The following FAM240C variants were observed in gnomAD, a reference collection of about 807,000 sequenced individuals.
The protein encoded by FAM240C is protein FAM240C.
Under a neutral mutation model 10.0 loss-of-function variants are expected in FAM240C, and 14 were observed. That is an observed-to-expected ratio of 1.40 (90% confidence interval 0.92 to 2.19). The LOEUF is 2.19. FAM240C is among the 30% of genes most tolerant of loss of function. FAM240C has a pLI of 0.00. For missense variants in FAM240C, 154 were observed against 122.3 expected (o/e 1.26, Z -1.22); for synonymous variants, 49 against 44.3 (o/e 1.11, Z -0.42).
At chr2:241,902,243 C>A (rs546006772), upstream of FAM240C, among the ~76,000 whole-genome samples, 263 of 151,792 alleles carry the variant, frequency 1.7e-3, no homozygotes, top group Non-Finnish European at 2.7e-3. This position sits in a 1 kb window ranked among gnomAD's most constrained non-coding sequence, Gnocchi z 7.1. Context: ...ACCCCCACCC[C>A]ATCAGAGGCG....
chr2:241,894,255 C>T lies in FAM240C; in HGVS notation c.246G>A (p.Glu82=). 1 of 1,550,068 alleles carries T rather than the reference C, an allele frequency of 6.5e-7. No homozygotes were observed. Among genetic ancestry groups the T allele is most frequent in the Admixed American group, 2.0e-5 (1 of 51,012 alleles). The change falls in exon 3 of 3, where the codon GAG becomes GAA. Residue 82 remains glutamate (E), a synonymous_variant. Transcript: ENST00000404031. ...CCTTGGTGTGGAGGGACTCAGTGGCCTCCGGGACCCTGTCTGGGCATCTCC... is the reference window on the plus strand; with the variant it reads ...CCTTGGTGTGGAGGGACTCAGTGGCTTCCGGGACCCTGTCTGGGCATCTCC... ...GPGRCPDRVP[E]ATESLHTKDK...
intron 2 of FAM240C, among the ~76,000 whole-genome samples, 183 bp downstream of exon 2, chr2:241,897,003 G>T (rs1464983745): frequency 6.6e-6 from 1 of 151,896 alleles, no homozygotes; most frequent in East Asian, 1.9e-4. Context: ...GATCACTAAG[G>T]TGAGTGAATG....
At chr2:241,901,640 G>C (rs1013459897), upstream of FAM240C, among the ~76,000 whole-genome samples, 2 of 152,182 alleles carry the variant, frequency 1.3e-5, no homozygotes, top group African/African-American at 4.8e-5. The surrounding 1 kb of genome is among the most constrained non-coding windows in gnomAD (Gnocchi z 4.9). Context: ...CGCACAGAAT[G>C]CACAAGGTGG....
At chr2:241,894,824 TGC>T (rs957083622) in intron 2 of FAM240C, among the ~76,000 whole-genome samples, 1 of 152,076 alleles carries the variant, frequency 6.6e-6, no homozygotes, top group African/African-American at 2.4e-5. Flanking sequence ...TGCCTGTGGG[TGC>T]CCACTTCCTT....
At chr2:241,899,103 C>T (rs1701921258) in intron 1 of FAM240C, 2 of 1,303,710 alleles carry the variant, frequency 1.5e-6, no homozygotes. Context: ...TCGTTTCCTG[C>T]AAACACATCA....
chr2:241,900,763 G>C (rs2124928842), upstream of FAM240C, among the ~76,000 whole-genome samples: 1 of 152,260 alleles, frequency 6.6e-6, no homozygotes, highest in South Asian at 2.1e-4. This position sits in a 1 kb window ranked among gnomAD's most constrained non-coding sequence, Gnocchi z 4.5. Context: ...TCTCAGGAAT[G>C]GTGGCCTTTG....
At chr2:241,898,552 A>G (rs1054104098) in intron 1 of FAM240C, among the ~76,000 whole-genome samples, 2 of 151,914 alleles carry the variant, frequency 1.3e-5, no homozygotes, top group East Asian at 3.9e-4. Context: ...TCTCAAACAA[A>G]CAAACAAACA....
chr2:241,900,712 G>A (rs966176636), upstream of FAM240C, among the ~76,000 whole-genome samples: 3 of 148,422 alleles, frequency 2.0e-5, no homozygotes, highest in Admixed American at 6.9e-5. The surrounding 1 kb of genome is among the most constrained non-coding windows in gnomAD (Gnocchi z 4.5). Flanking sequence ...GGGGAGGGGC[G>A]TCGGGGCACC....
chr2:241,900,997 T>A (rs1701969731), upstream of FAM240C, among the ~76,000 whole-genome samples: 1 of 151,868 alleles, frequency 6.6e-6, no homozygotes, highest in East Asian at 1.9e-4. The surrounding 1 kb of genome is among the most constrained non-coding windows in gnomAD (Gnocchi z 4.5). Flanking sequence ...GGGAGGTTGG[T>A]GTAAATTCCA....
At chr2:241,897,455 T>A in intron 1 of FAM240C, 121 bp from the exon 2 acceptor site, 1 of 1,232,686 alleles carries the variant, frequency 8.1e-7, no homozygotes, top group Non-Finnish European at 1.1e-6. Flanking sequence ...GGTCCCCGCC[T>A]TCCTGGTTCG....
In FAM240C at chr2:241,894,291, C is replaced by A; in HGVS notation, c.210G>T (p.Leu70=). Residue 70 remains leucine, a synonymous_variant, in exon 3 of 3, where the codon CTG becomes CTT. Transcript: ENST00000404031. ...AEQLEGRNKM[L]QGPGRCPDRV... The stretch of plus-strand genomic sequence containing the variant: ...TGTCTGGGCATCTCCCTGGGCCCTG[C>A]AGCATCTTGTTCCTCCCCTCCAGCT... The A allele has an allele frequency of 1.3e-6, 2 of 1,549,640 alleles. No homozygotes were observed. The highest frequency in any genetic ancestry group is 1.7e-6 in the Non-Finnish European group (2 of 1,146,676).
intron 2 of FAM240C, among the ~76,000 whole-genome samples, chr2:241,896,846 T>G (rs1575420230): frequency 1.6e-5 from 1 of 61,610 alleles, no homozygotes; most frequent in Non-Finnish European, 3.5e-5. Context: ...GGGGTGTGGG[T>G]GAAGGGGTGT....
At chr2:241,897,117 GC>G in intron 2 of FAM240C, 68 bp downstream of exon 2, 1 of 1,504,894 alleles carries the variant, frequency 6.6e-7, no homozygotes. Flanking sequence ...TGCTGGCGGG[GC>G]TGTGCCCCTG....
intron 1 of FAM240C, chr2:241,899,406 C>T (rs1180019759): frequency 2.2e-6 from 2 of 910,382 alleles, no homozygotes; most frequent in Non-Finnish European, 2.6e-6. Context: ...GCCACGCCTG[C>T]CTGTGCTGAG....
intron 2 of FAM240C, among the ~76,000 whole-genome samples, chr2:241,896,340 TGAGC>T (rs1231224914): frequency 6.6e-6 from 1 of 152,168 alleles, no homozygotes; most frequent in Non-Finnish European, 1.5e-5. Context: ...TCTGCCTTCC[TGAGC>T]AAGTCTGCTA....
chr2:241,895,991 C>G (rs1017882480), intron 2 of FAM240C, among the ~76,000 whole-genome samples: 6 of 152,074 alleles, frequency 3.9e-5, no homozygotes, highest in African/African-American at 9.7e-5. Context: ...TCACCATCGT[C>G]TGCCGAGTGC....
At position 241,894,089 on chromosome 2, in the gene FAM240C, A is replaced by AAAT; in HGVS notation, c.*123_*124insATT. ...AGGTGGGATTATTACGGGGTCAGCG[A>AAAT]GGTGCGGGCCATTTCCATGATGAAG... is the stretch of plus-strand genomic sequence containing the variant. On this transcript the variant is annotated 3_prime_UTR_variant, in exon 3 of 3. Coordinates refer to ENST00000404031, the MANE Select transcript of FAM240C (RefSeq NM_001382368.1). The AAAT allele has an allele frequency of 3.5e-6, 4 of 1,137,624 alleles. No homozygotes were observed. Among genetic ancestry groups the AAAT allele is most frequent in the Non-Finnish European group, 4.9e-6 (4 of 821,236 alleles). The allele number at this position is 1,137,624 out of a possible 1,614,324, so 70.5% of individuals were successfully genotyped here. A position where few individuals can be genotyped will look rare whatever the true frequency, so the allele number is the denominator to read the frequency against.
chr2:241,897,210 C>T lies in FAM240C; in HGVS notation c.137G>A (p.Arg46Lys), dbSNP rs1249286895. Residue 46 changes from arginine (R) to lysine (K), a missense_variant, in exon 2 of 3, where the codon AGG (arginine) becomes AAG (lysine). Arg to Lys is a conservative substitution (Grantham distance 26, BLOSUM62 2). Transcript: ENST00000404031. ...CTTGTTCAGAGCGCTTCTGCGAACC[C>T]TGATGTCCTCGTTCTGCAGGTGTCT... Reference protein sequence around the residue: ...HARHLQNEDIRVRRSALNKLR... With the variant: ...HARHLQNEDIKVRRSALNKLR... 3.2e-6 allele frequency: 5 copies of T among 1,549,906 alleles called. No homozygotes were observed. The highest frequency in any genetic ancestry group is 4.4e-6 in the Non-Finnish European group (5 of 1,146,502).
chr2:241,897,565 G>T (rs971417729), intron 1 of FAM240C, among the ~76,000 whole-genome samples: 4 of 152,176 alleles, frequency 2.6e-5, no homozygotes, highest in African/African-American at 9.7e-5. Flanking sequence ...GCAGTCTCCT[G>T]GGTTGGCAGA....
Sources: allele counts gnomAD v4.1 joint callset (sites outside exome capture counted in the v4.1 genomes callset), GRCh38; gene constraint gnomAD v4.1.1; non-coding constraint Gnocchi (gnomAD v3.1); transcripts MANE v1.5; gene names NCBI Gene and HGNC (gene_info 2026-07-23, HGNC 2026-07-21).